The following BABAM2 variants were observed in gnomAD, a reference collection of about 807,000 sequenced individuals.
The protein encoded by BABAM2 is BRISC and BRCA1-A complex member 2.
BABAM2 carries 31 observed loss-of-function variants against 54.7 expected under a neutral mutation model. The observed-to-expected ratio is 0.57, with a 90% CI of 0.43 to 0.77. The LOEUF is 0.77. Among genes scored for constraint, BABAM2 ranks in the 30% least tolerant of loss-of-function variants. BABAM2 has a pLI of 0.00. For synonymous variants in BABAM2, 167 were observed against 162.9 expected, an observed-to-expected ratio of 1.03 and a Z score of -0.19; for missense variants, 364 against 455.8, an observed-to-expected ratio of 0.80 and a Z score of 1.83.
intron 6 of BABAM2, among the ~76,000 whole-genome samples, chr2:28,122,105 A>G (rs1016618959): frequency 2.0e-5 from 3 of 152,028 alleles, no homozygotes; most frequent in African/African-American, 7.2e-5. Context: ...AGTCCCAGCT[A>G]CTCGGGAGGC....
chr2:28,229,519 C>T (rs1267134084), intron 7 of BABAM2, among the ~76,000 whole-genome samples: 1 of 152,132 alleles, frequency 6.6e-6, no homozygotes, highest in South Asian at 2.1e-4. Flanking sequence ...AAACTCTTCT[C>T]ATTTATACTG....
intron 7 of BABAM2, among the ~76,000 whole-genome samples, chr2:28,150,352 C>T (rs1558385505): frequency 1.3e-5 from 2 of 151,966 alleles, no homozygotes; most frequent in Non-Finnish European, 2.9e-5. Flanking sequence ...GGGTATCTTA[C>T]AGTAATAAAG....
intron 2 of BABAM2, among the ~76,000 whole-genome samples, chr2:27,925,617 C>T (rs548862715): frequency 1.3e-5 from 2 of 152,288 alleles, no homozygotes; most frequent in African/African-American, 4.8e-5. Context: ...AATCCCTGTT[C>T]CTTATAGCCA....
intron 3 of BABAM2, among the ~76,000 whole-genome samples, chr2:27,984,902 T>C (rs1196058179): frequency 6.6e-6 from 1 of 152,132 alleles, no homozygotes; most frequent in African/African-American, 2.4e-5. Context: ...CGCCTTTGCA[T>C]CTTCAAAGCT....
intron 4 of BABAM2, among the ~76,000 whole-genome samples, chr2:28,013,694 T>TACACACACAC (rs56148921): frequency 0.026 from 2,716 of 105,998 alleles, 63 homozygotes; most frequent in Middle Eastern, 0.049. Flanking sequence ...AAAAAGCTCT[T>TACACACACAC]ACACACACAC....
At chr2:28,335,310 C>T (rs1248664280) in intron 11 of BABAM2, among the ~76,000 whole-genome samples, 1 of 152,032 alleles carries the variant, frequency 6.6e-6, no homozygotes. Flanking sequence ...GCTGGGACTA[C>T]AAGCGCCCAC....
chr2:28,176,877 T>A (rs1675060017), intron 7 of BABAM2, among the ~76,000 whole-genome samples: 3 of 150,428 alleles, frequency 2.0e-5, no homozygotes, highest in South Asian at 4.2e-4. Context: ...GAAGAAATTT[T>A]AAAAAATGAA....
intron 4 of BABAM2, among the ~76,000 whole-genome samples, chr2:27,998,083 G>A (rs1375394375): frequency 6.6e-6 from 1 of 152,120 alleles, no homozygotes; most frequent in Non-Finnish European, 1.5e-5. Context: ...AACCTGGGAG[G>A]TGGAGGTTGC....
intron 4 of BABAM2, among the ~76,000 whole-genome samples, chr2:28,024,487 A>G (rs777128439): frequency 5.3e-5 from 8 of 152,196 alleles, no homozygotes; most frequent in Non-Finnish European, 8.8e-5. Context: ...CATGCTTTCA[A>G]TATTCTGTGC....
At chr2:28,303,721 C>G (rs531668086) in intron 11 of BABAM2, among the ~76,000 whole-genome samples, 2 of 152,206 alleles carry the variant, frequency 1.3e-5, no homozygotes, top group African/African-American at 4.8e-5. Flanking sequence ...ACGCCCCCCC[C>G]ACCAAAAGCC....
intron 3 of BABAM2, among the ~76,000 whole-genome samples, chr2:27,944,119 T>C (rs1161842624): frequency 2.0e-5 from 3 of 152,196 alleles, no homozygotes; most frequent in Non-Finnish European, 4.4e-5. Flanking sequence ...CTAAATTAAC[T>C]TATTGGGCAT....
intron 7 of BABAM2, among the ~76,000 whole-genome samples, chr2:28,228,361 C>G (rs1021561715): frequency 2.6e-5 from 4 of 152,140 alleles, no homozygotes; most frequent in Admixed American, 2.6e-4. Flanking sequence ...CTTGGACCAT[C>G]ATTAAAACAT....
At chr2:28,194,784 T>C (rs770008058) in intron 7 of BABAM2, among the ~76,000 whole-genome samples, 1 of 152,072 alleles carries the variant, frequency 6.6e-6, no homozygotes, top group Non-Finnish European at 1.5e-5. Context: ...GGTCTCGAAC[T>C]CCTAACCTCA....
At chr2:28,050,766 T>C (rs1180058199) in intron 6 of BABAM2, among the ~76,000 whole-genome samples, 1 of 152,188 alleles carries the variant, frequency 6.6e-6, no homozygotes, top group East Asian at 1.9e-4. Flanking sequence ...ATAAAATCTT[T>C]ATGACCAAGT....
intron 2 of BABAM2, among the ~76,000 whole-genome samples, chr2:27,918,374 G>A (rs946761815): frequency 5.9e-5 from 9 of 151,962 alleles, no homozygotes; most frequent in Non-Finnish European, 1.2e-4. Context: ...TTAGCATAAG[G>A]TCCTCAAGAT....
At chr2:28,277,369 T>C (rs1685967412) in intron 10 of BABAM2, among the ~76,000 whole-genome samples, 1 of 152,168 alleles carries the variant, frequency 6.6e-6, no homozygotes, top group Non-Finnish European at 1.5e-5. Flanking sequence ...CCTCCCAAAG[T>C]GCTGGGATTA....
intron 7 of BABAM2, among the ~76,000 whole-genome samples, chr2:28,232,318 G>C: frequency 6.6e-6 from 1 of 152,182 alleles, no homozygotes; most frequent in East Asian, 1.9e-4. Context: ...TAATGGGTCA[G>C]AATCAAAACC....
At chr2:28,307,440 A>G (rs1300225497) in intron 11 of BABAM2, among the ~76,000 whole-genome samples, 1 of 141,840 alleles carries the variant, frequency 7.1e-6, no homozygotes, top group Non-Finnish European at 1.6e-5. Flanking sequence ...TTCTTCCTGT[A>G]TTCTTTCAGT....
intron 10 of BABAM2, among the ~76,000 whole-genome samples, chr2:28,261,639 A>G (rs1427455788): frequency 3.3e-5 from 5 of 151,990 alleles, no homozygotes; most frequent in Non-Finnish European, 7.4e-5. Flanking sequence ...CGCCCGGCCA[A>G]TTACTTAGAA....
Sources: gnomAD v4.1 joint callset for allele counts (sites outside exome capture counted in the v4.1 genomes callset) on GRCh38, gnomAD v4.1.1 for gene constraint, MANE v1.5 for transcripts, NCBI Gene and HGNC (gene_info 2026-07-23, HGNC 2026-07-21) for gene names.